GRID2: variants seen among roughly 807,000 people sequenced by gnomAD.
GRID2 encodes the protein glutamate receptor ionotropic, delta-2.
GRID2 carries 33 observed loss-of-function variants against 114.8 expected under a neutral mutation model. The ratio of observed to expected loss-of-function variants is 0.29; its 90% CI spans 0.22 to 0.38. The LOEUF is 0.38. Ranked by LOEUF, GRID2 falls within the 10% of genes least tolerant of loss-of-function variation. The pLI is 1.00. For missense variants in GRID2, 1,184 were observed against 1,257.7 expected, an observed-to-expected ratio of 0.94 and a Z score of 0.89; for synonymous variants, 505 against 449.9, an observed-to-expected ratio of 1.12 and a Z score of -1.55.
At chr4:93,366,914 A>G (rs1762393905) in intron 8 of GRID2, among the ~76,000 whole-genome samples, 1 of 151,966 alleles carries the variant, frequency 6.6e-6, no homozygotes, top group South Asian at 2.1e-4. Context: ...AAAAGAATAT[A>G]TATGGTTGAT....
intron 14 of GRID2, among the ~76,000 whole-genome samples, chr4:93,665,578 A>C (rs895775959): frequency 1.3e-5 from 2 of 152,168 alleles, no homozygotes; most frequent in Non-Finnish European, 2.9e-5. Context: ...AAAATCTGCT[A>C]TTTTGTTTGT....
chr4:92,587,076 T>C (rs927726026), intron 1 of GRID2, among the ~76,000 whole-genome samples: 7 of 149,752 alleles, frequency 4.7e-5, no homozygotes, highest in Non-Finnish European at 8.9e-5. Context: ...ATAAGAAATA[T>C]ATAGAGAGTA....
intron 13 of GRID2, among the ~76,000 whole-genome samples, chr4:93,548,581 G>A (rs1046524575): frequency 1.3e-5 from 2 of 152,334 alleles, no homozygotes; most frequent in African/African-American, 4.8e-5. Context: ...AGTACTCAAT[G>A]AAGGTAAGAC....
chr4:92,589,239 A>T (rs1728598104), intron 1 of GRID2, among the ~76,000 whole-genome samples: 1 of 151,972 alleles, frequency 6.6e-6, no homozygotes, highest in African/African-American at 2.4e-5. Context: ...TGTGTTTAAT[A>T]CACACAATGT....
intron 2 of GRID2, among the ~76,000 whole-genome samples, chr4:92,946,771 C>A (rs1209177393): frequency 6.6e-6 from 1 of 152,044 alleles, no homozygotes; most frequent in African/African-American, 2.4e-5. Flanking sequence ...TCAAAGTCAC[C>A]TGAAGAACTT....
intron 8 of GRID2, among the ~76,000 whole-genome samples, chr4:93,333,279 G>A (rs546130893): frequency 6.6e-6 from 1 of 152,102 alleles, no homozygotes; most frequent in African/African-American, 2.4e-5. Context: ...GGTATAGAAT[G>A]AAGCTTGAGA....
intron 2 of GRID2, among the ~76,000 whole-genome samples, chr4:92,887,948 A>G (rs1746490349): frequency 6.6e-6 from 1 of 152,152 alleles, no homozygotes; most frequent in Non-Finnish European, 1.5e-5. Context: ...CACTGTTTCT[A>G]TACATCTGTT....
chr4:92,927,403 A>G (rs72883980), intron 2 of GRID2, among the ~76,000 whole-genome samples: 1 of 151,778 alleles, frequency 6.6e-6, no homozygotes, highest in East Asian at 1.9e-4. Flanking sequence ...CACAGGAATC[A>G]TAGCCAGTGT....
chr4:93,197,764 C>T (rs964677340), intron 4 of GRID2, among the ~76,000 whole-genome samples: 1 of 152,110 alleles, frequency 6.6e-6, no homozygotes, highest in African/African-American at 2.4e-5. Context: ...TACCTTGTTA[C>T]AGTTAAGGAG....
chr4:93,312,850 G>A (rs578001271), intron 8 of GRID2, among the ~76,000 whole-genome samples: 35 of 152,184 alleles, frequency 2.3e-4, no homozygotes, highest in Admixed American at 3.3e-4. Context: ...TTAAATATGC[G>A]TTTGAAGCCC....
chr4:92,801,407 C>A lies in GRID2; in HGVS notation c.244+211121C>A, dbSNP rs138101019. Among the ~76,000 whole-genome samples, 169 of 152,050 alleles carry A rather than the reference C, an allele frequency of 1.1e-3. 1 individual carries two copies. The highest frequency in any genetic ancestry group is 3.9e-3 in the African/African-American group (164 of 41,538). On this transcript the variant is annotated intron_variant, in intron 2 of 15. Transcript: ENST00000282020. The stretch of plus-strand genomic sequence containing the variant: ...TTCTACAAAAACCTCTGAGCAAAAA[C>A]CCTTTACGCTTCTCTCTTCAATTCT...
At chr4:93,185,440 A>T (rs565657680) in intron 4 of GRID2, among the ~76,000 whole-genome samples, 1 of 152,226 alleles carries the variant, frequency 6.6e-6, no homozygotes, top group African/African-American at 2.4e-5. Flanking sequence ...TTAATTGACT[A>T]CAGACACTCA....
At chr4:92,357,564 T>C (rs2110195033) in intron 1 of GRID2, among the ~76,000 whole-genome samples, 1 of 151,906 alleles carries the variant, frequency 6.6e-6, no homozygotes, top group Non-Finnish European at 1.5e-5. Flanking sequence ...TCAATGATCA[T>C]TTAGTATGTT....
In GRID2 at chr4:92,565,231, A is replaced by G. The variant is rs140819821; in HGVS notation, c.89-24900A>G. On this transcript the variant is annotated intron_variant, in intron 1 of 15. Transcript: ENST00000282020. Reference sequence around the variant, plus strand: ...AAAATTATTAGTTTTATAGTGATCAATCAATGAGGAAATTCTCTGAAAGTG... The same window carrying G: ...AAAATTATTAGTTTTATAGTGATCAGTCAATGAGGAAATTCTCTGAAAGTG... 7.9e-5 allele frequency among the ~76,000 whole-genome samples: 12 copies of G among 152,176 alleles called. No individual in the cohort carries two copies. The East Asian group carries it at 2.1e-3, about 27-fold the overall frequency.
chr4:93,384,502 A>G (rs1448054654), intron 8 of GRID2, among the ~76,000 whole-genome samples: 1 of 152,136 alleles, frequency 6.6e-6, no homozygotes, highest in Non-Finnish European at 1.5e-5. Context: ...TATGCTGCCT[A>G]GTGGAATTTG....
chr4:92,827,900 G>A (rs1191615113), intron 2 of GRID2, among the ~76,000 whole-genome samples: 9 of 151,894 alleles, frequency 5.9e-5, no homozygotes, highest in African/African-American at 2.2e-4. Flanking sequence ...TCATTTGTTT[G>A]GTATGAATCT....
At position 92,982,022 on chromosome 4, in the gene GRID2, TAAAA is replaced by T. The variant is rs1161216679; in HGVS notation, c.245-102953_245-102950del. Among the ~76,000 whole-genome samples, 83 of 80,192 alleles carry T rather than the reference TAAAA, an allele frequency of 1.0e-3. 1 individual carries two copies. Among genetic ancestry groups the T allele is most frequent in the African/African-American group, 3.1e-3 (67 of 21,608 alleles). The allele number at this position is 80,192 out of a possible 152,430, so 52.6% of individuals were successfully genotyped here. A position where few individuals can be genotyped will look rare whatever the true frequency, so the allele number is the denominator to read the frequency against. On this transcript the variant is annotated intron_variant, in intron 2 of 15. Transcript: ENST00000282020. ...GTATCTTCACAGTCTAAAGTACTGG[TAAAA>T]AAAAAAAAAAAAAAAAAAAGAAAAA...
At chr4:92,647,527 T>C (rs549930853) in intron 2 of GRID2, among the ~76,000 whole-genome samples, 6 of 149,634 alleles carry the variant, frequency 4.0e-5, no homozygotes, top group African/African-American at 7.5e-5. Context: ...AGCCACTCTT[T>C]ATAAGCATTT....
At chr4:92,671,492 T>C (rs1733069578) in intron 2 of GRID2, among the ~76,000 whole-genome samples, 1 of 152,128 alleles carries the variant, frequency 6.6e-6, no homozygotes, top group Non-Finnish European at 1.5e-5. Flanking sequence ...GCCTTCATTT[T>C]TTAAATCATG....
Sources: gnomAD v4.1 joint callset for allele counts (sites outside exome capture counted in the v4.1 genomes callset) on GRCh38, gnomAD v4.1.1 for gene constraint, MANE v1.5 for transcripts, NCBI Gene and HGNC (gene_info 2026-07-23, HGNC 2026-07-21) for gene names.